The following PHB1 variants were observed in gnomAD, a reference collection of about 807,000 sequenced individuals.
PHB1 encodes prohibitin 1.
chr17:49,404,984 G>A, the PHB1 span: 4 of 1,547,126 alleles, frequency 2.6e-6, no homozygotes. Flanking sequence ...TGCAGGCAGG[G>A]TGGGCCCTCA....
the PHB1 span, among the ~76,000 whole-genome samples, chr17:49,413,788 C>T: frequency 6.6e-6 from 1 of 152,118 alleles, no homozygotes; most frequent in Non-Finnish European, 1.5e-5. Context: ...GGATTACAGG[C>T]ATGAGCCATC....
At chr17:49,406,988 C>T in the PHB1 span, 6 of 679,266 alleles carry the variant, frequency 8.8e-6, no homozygotes, top group Non-Finnish European at 1.6e-5. Flanking sequence ...GGCCAGAACA[C>T]TCTTCCACCT....
At chr17:49,409,596 C>T in the PHB1 span, 1 of 735,232 alleles carries the variant, frequency 1.4e-6, no homozygotes, top group South Asian at 1.8e-5. Flanking sequence ...GGCTGGAGTA[C>T]AATGGGACAA....
chr17:49,404,484 C>A, the PHB1 span: 1 of 197,482 alleles, frequency 5.1e-6, no homozygotes, highest in Admixed American at 5.5e-5. Flanking sequence ...CAGACCACTT[C>A]CTCTCTGCCC....
chr17:49,406,912 G>A, the PHB1 span: 34 of 1,267,010 alleles, frequency 2.7e-5, no homozygotes, highest in African/African-American at 3.8e-4. Flanking sequence ...CAGCACTGCT[G>A]GGAGGGCTCC....
At chr17:49,414,822 C>T in the PHB1 span, 1 of 152,454 alleles carries the variant, frequency 6.6e-6, no homozygotes, top group Middle Eastern at 3.1e-3. Context: ...TTTGCCGCCC[C>T]CTCCATTCTC....
the PHB1 span, among the ~76,000 whole-genome samples, chr17:49,406,376 C>A: frequency 6.6e-6 from 1 of 152,226 alleles, no homozygotes; most frequent in African/African-American, 2.4e-5. Flanking sequence ...AGAAAAAAAT[C>A]TAGTGACGAA....
At chr17:49,414,432 GCA>G in the PHB1 span, 1 of 152,094 alleles carries the variant, frequency 6.6e-6, no homozygotes, top group African/African-American at 2.4e-5. Context: ...GTGGGCATAA[GCA>G]CAGTTGACCT....
At chr17:49,406,600 C>G in the PHB1 span, among the ~76,000 whole-genome samples, 1 of 152,218 alleles carries the variant, frequency 6.6e-6, no homozygotes, top group Non-Finnish European at 1.5e-5. Context: ...CCTGAAGACT[C>G]TGGAACCAAT....
chr17:49,406,703 G>T, the PHB1 span: 2 of 1,239,300 alleles, frequency 1.6e-6, no homozygotes, highest in Non-Finnish European at 2.4e-6. Context: ...AAATGGGGAA[G>T]CTGAGTGCCG....
the PHB1 span, chr17:49,414,877 T>C: frequency 6.6e-6 from 1 of 152,444 alleles, no homozygotes; most frequent in Non-Finnish European, 1.5e-5. Context: ...CAACCACACA[T>C]ACTGCGCATG....
the PHB1 span, chr17:49,406,898 T>A: frequency 7.3e-7 from 1 of 1,372,354 alleles, no homozygotes; most frequent in Non-Finnish European, 1.0e-6. Context: ...TGTGATTGCT[T>A]CGACAGCACT....
At chr17:49,413,096 T>C in the PHB1 span, 1 of 1,008,460 alleles carries the variant, frequency 9.9e-7, no homozygotes, top group Non-Finnish European at 1.5e-6. Context: ...GCAGCTACCA[T>C]CAAGAGTGTC....
At chr17:49,412,044 T>A in the PHB1 span, 1 of 546,972 alleles carries the variant, frequency 1.8e-6, no homozygotes, top group South Asian at 2.5e-5. Flanking sequence ...TCCCCAAGGA[T>A]TGGTAATAGG....
At chr17:49,410,263 C>G in the PHB1 span, among the ~76,000 whole-genome samples, 1 of 152,192 alleles carries the variant, frequency 6.6e-6, no homozygotes, top group South Asian at 2.1e-4. Context: ...AAGCATTTCT[C>G]CTGCCTCAGC....
the PHB1 span, chr17:49,413,016 T>C: frequency 1.0e-5 from 6 of 595,334 alleles, no homozygotes; most frequent in South Asian, 2.0e-5. Flanking sequence ...GGGGCTCTGA[T>C]AACAATGCAG....
At chr17:49,411,627 G>A in the PHB1 span, 3 of 1,523,448 alleles carry the variant, frequency 2.0e-6, no homozygotes, top group African/African-American at 1.4e-5. Flanking sequence ...CAGAAGAACA[G>A]AGCACCTCTT....
chr17:49,408,256 G>A, the PHB1 span, among the ~76,000 whole-genome samples: 1 of 152,184 alleles, frequency 6.6e-6, no homozygotes, highest in Non-Finnish European at 1.5e-5. Context: ...GTTGTCAAGT[G>A]GCTGTTTAAA....
At chr17:49,405,255 C>T in the PHB1 span, 1 of 1,505,546 alleles carries the variant, frequency 6.6e-7, no homozygotes, top group African/African-American at 1.4e-5. Context: ...CACCGCATGT[C>T]AGGCTACAAC....
Sources: allele counts gnomAD v4.1 joint callset (sites outside exome capture counted in the v4.1 genomes callset), GRCh38; gene constraint gnomAD v4.1.1; transcripts MANE v1.5; gene names NCBI Gene and HGNC (gene_info 2026-07-23, HGNC 2026-07-21).